Variants in WWOX observed in about 807,000 individuals in gnomAD.
WWOX encodes WW domain-containing oxidoreductase.
In WWOX, 69 loss-of-function variants were observed where a neutral mutation model predicts 46.2. That is an observed-to-expected ratio of 1.49 (90% confidence interval 1.23 to 1.82). The LOEUF (loss-of-function observed/expected upper bound fraction) is 1.82, where lower values mean the gene tolerates loss of function less well. WWOX is among the 40% of genes most tolerant of loss of function. WWOX has a pLI of 0.00. For missense variants in WWOX, 919 were observed against 542.6 expected, an observed-to-expected ratio of 1.69 and a Z score of -6.89; for synonymous variants, 359 against 202.6, an observed-to-expected ratio of 1.77 and a Z score of -6.56.
intron 8 of WWOX, among the ~76,000 whole-genome samples, chr16:78,860,791 G>T (rs534231361): frequency 6.6e-6 from 1 of 152,238 alleles, no homozygotes; most frequent in African/African-American, 2.4e-5. Context: ...GAGTTAAAAT[G>T]ATCCAGCTTA....
intron 8 of WWOX, among the ~76,000 whole-genome samples, chr16:78,714,351 C>T (rs116588525): frequency 2.5e-3 from 379 of 152,010 alleles, no homozygotes; most frequent in African/African-American, 8.6e-3. Flanking sequence ...GGCAAGAGAG[C>T]CTTTGCAAGG....
Position 78,355,901 on chromosome 16 carries a change from T to C in WWOX, c.517-30959T>C, listed in dbSNP as rs139090044. 1.8e-3 allele frequency: 695 copies of C among 394,510 alleles called. 9 individuals carry two copies. The highest frequency in any genetic ancestry group is 2.1e-3 in the Non-Finnish European group (432 of 202,432). 24.4% of individuals were successfully genotyped at this position (394,510 alleles called of 1,614,324 possible). Reference sequence around the variant, plus strand: ...CAGTGGCCTCTCTAAATGTGCAAGATATTCAAAAGAGAAACCCGCATACAT... The same window carrying C: ...CAGTGGCCTCTCTAAATGTGCAAGACATTCAAAAGAGAAACCCGCATACAT... On this transcript the variant is annotated intron_variant, in intron 5 of 8. Coordinates refer to ENST00000566780, the MANE Select transcript of WWOX (RefSeq NM_016373.4).
intron 6 of WWOX, among the ~76,000 whole-genome samples, chr16:78,396,237 A>T (rs966146729): frequency 1.3e-5 from 2 of 152,198 alleles, no homozygotes; most frequent in Non-Finnish European, 2.9e-5. Flanking sequence ...CAACCTTCAA[A>T]AACCTGCCCC....
chr16:78,245,935 G>C (rs2037802100), intron 5 of WWOX, among the ~76,000 whole-genome samples: 1 of 152,164 alleles, frequency 6.6e-6, no homozygotes, highest in African/African-American at 2.4e-5. Context: ...TAACCCTCTT[G>C]CCACCTCTGT....
chr16:78,603,378 C>T (rs1444695941), intron 8 of WWOX, among the ~76,000 whole-genome samples: 1 of 152,158 alleles, frequency 6.6e-6, no homozygotes, highest in Non-Finnish European at 1.5e-5. Flanking sequence ...ACTGGGTGAT[C>T]AGGCAAACTA....
chr16:79,129,910 C>T (rs1003624744), intron 8 of WWOX, among the ~76,000 whole-genome samples: 34 of 152,328 alleles, frequency 2.2e-4, no homozygotes, highest in African/African-American at 7.9e-4. Context: ...TCGCTGTTCA[C>T]TGGCTGAGTC....
chr16:78,575,532 C>G (rs1252468189), intron 8 of WWOX, among the ~76,000 whole-genome samples: 9 of 152,028 alleles, frequency 5.9e-5, no homozygotes, highest in Admixed American at 5.2e-4. Flanking sequence ...ATCCTAAGAT[C>G]TTGTGACTTC....
At chr16:78,739,767 T>TACCATTGC (rs1252070579) in intron 8 of WWOX, among the ~76,000 whole-genome samples, 3 of 152,082 alleles carry the variant, frequency 2.0e-5, no homozygotes, top group Non-Finnish European at 4.4e-5. Context: ...GCCGAGATCG[T>TACCATTGC]ACCATTGCAC....
At chr16:78,486,333 C>T (rs2084635914) in intron 8 of WWOX, among the ~76,000 whole-genome samples, 1 of 152,178 alleles carries the variant, frequency 6.6e-6, no homozygotes, top group South Asian at 2.1e-4. Flanking sequence ...ACCTCATGAG[C>T]ATAGATAATA....
intron 8 of WWOX, chr16:79,004,219 A>T (rs2047149066): frequency 6.6e-6 from 1 of 152,170 alleles, no homozygotes; most frequent in South Asian, 2.1e-4. Flanking sequence ...CACCTTCAGA[A>T]CCACATCTAG....
rs187225916 is a variant in WWOX at position 78,924,481 on chromosome 16, C to T, written c.1057-287127C>T. On this transcript the variant is annotated intron_variant, in intron 8 of 8. Transcript: ENST00000566780. ...AAATATCTCACTTAAAACTTGTCTT[C>T]GCTGCAGGCTACTTGGTTGTACTTG... Among the ~76,000 whole-genome samples the T allele has an allele frequency of 3.0e-4, 45 of 152,280 alleles. 1 individual carries two copies. Among genetic ancestry groups the T allele is most frequent in the Non-Finnish European group, 4.4e-4 (30 of 68,036 alleles).
At chr16:78,948,084 C>G (rs534703054) in intron 8 of WWOX, among the ~76,000 whole-genome samples, 5 of 152,212 alleles carry the variant, frequency 3.3e-5, no homozygotes, top group Non-Finnish European at 7.3e-5. Context: ...GAGAGTTCAA[C>G]TCCATCCGTG....
chr16:78,293,794 G>A (rs560947319), intron 5 of WWOX, among the ~76,000 whole-genome samples: 3 of 151,902 alleles, frequency 2.0e-5, no homozygotes, highest in East Asian at 3.9e-4. Flanking sequence ...TGGCCAACAT[G>A]GTGAAACCCT....
chr16:78,099,665 G>C lies in WWOX; in HGVS notation c.-114G>C. Reference sequence around the variant, plus strand: ...GGCCCCTGGAGGGCGCAGTGCGCAGGCGTGAGCGGTCGGGCCCCGACGCGC... The same window carrying C: ...GGCCCCTGGAGGGCGCAGTGCGCAGCCGTGAGCGGTCGGGCCCCGACGCGC... On this transcript the variant is annotated 5_prime_UTR_variant, in exon 1 of 9. Coordinates refer to ENST00000566780, the MANE Select transcript of WWOX (RefSeq NM_016373.4). The C allele has an allele frequency of 1.5e-6, 2 of 1,340,164 alleles. No homozygotes were observed. Among genetic ancestry groups the C allele is most frequent in the Non-Finnish European group, 2.0e-6 (2 of 1,015,946 alleles). The allele number at this position is 1,340,164 out of a possible 1,614,324, so 83.0% of individuals were successfully genotyped here.
intron 8 of WWOX, among the ~76,000 whole-genome samples, chr16:79,024,584 C>A (rs1362959623): frequency 6.6e-6 from 1 of 152,120 alleles, no homozygotes; most frequent in Admixed American, 6.6e-5. Flanking sequence ...CAGGCACCCA[C>A]CACCATGCCT....
At chr16:79,123,562 GGACGTTGA>G (rs2049685210) in intron 8 of WWOX, among the ~76,000 whole-genome samples, 2 of 152,110 alleles carry the variant, frequency 1.3e-5, no homozygotes, top group African/African-American at 2.4e-5. Flanking sequence ...TAAGGATTAA[GGACGTTGA>G]GACCCAGAAG....
chr16:78,159,474 A>G (rs2034712542), intron 4 of WWOX, among the ~76,000 whole-genome samples: 1 of 152,040 alleles, frequency 6.6e-6, no homozygotes, highest in South Asian at 2.1e-4. Flanking sequence ...TTGTTTCCAC[A>G]CCCTGAACCA....
intron 8 of WWOX, among the ~76,000 whole-genome samples, chr16:78,852,782 G>C (rs1398018859): frequency 6.6e-6 from 1 of 152,172 alleles, no homozygotes; most frequent in Non-Finnish European, 1.5e-5. Context: ...GAAAATGTAG[G>C]AGTTCCTCAA....
Position 78,539,661 on chromosome 16 carries a change from C to T in WWOX, c.1056+106909C>T, listed in dbSNP as rs115620741. 4.4e-3 allele frequency among the ~76,000 whole-genome samples: 665 copies of T among 152,290 alleles called. 5 individuals are homozygous for T. The highest frequency in any genetic ancestry group is 0.015 in the African/African-American group (631 of 41,554). On this transcript the variant is annotated intron_variant, in intron 8 of 8. Coordinates refer to ENST00000566780, the MANE Select transcript of WWOX (RefSeq NM_016373.4). ...TATGTGTGTGTGCAAATTGTACTTG[C>T]AGTGGCTGCCTGGGAAATGAAATTT...
Sources: allele counts gnomAD v4.1 joint callset (sites outside exome capture counted in the v4.1 genomes callset), GRCh38; gene constraint gnomAD v4.1.1; transcripts MANE v1.5; gene names NCBI Gene and HGNC (gene_info 2026-07-23, HGNC 2026-07-21).